TRHR: variants seen among roughly 807,000 people sequenced by gnomAD.
TRHR encodes the protein thyrotropin-releasing hormone receptor.
Under a neutral mutation model 28.0 loss-of-function variants are expected in TRHR, and 14 were observed. The ratio of observed to expected loss-of-function variants is 0.50; its 90% CI spans 0.33 to 0.78. The LOEUF (loss-of-function observed/expected upper bound fraction) is 0.78. TRHR is among the 30% of genes least tolerant of loss of function. TRHR has a pLI of 0.02. For synonymous variants in TRHR, 176 were observed against 171.9 expected, an observed-to-expected ratio of 1.02 and a Z score of -0.18; for missense variants, 438 against 469.5, an observed-to-expected ratio of 0.93 and a Z score of 0.62.
Position 109,119,666 on chromosome 8 carries a change from T to A in TRHR, c.*211T>A. 1 of 557,766 alleles carries A rather than the reference T, an allele frequency of 1.8e-6. No homozygotes were observed. Among genetic ancestry groups the A allele is most frequent in the Non-Finnish European group, 3.1e-6 (1 of 320,402 alleles). 34.6% of individuals were successfully genotyped at this position (557,766 alleles called of 1,614,324 possible). ...CTAATATCACTAAAAATGGAGCAGA[T>A]CTGTGAAATAGCTAAATGATGGAAA... On this transcript the variant is annotated 3_prime_UTR_variant, in exon 3 of 3. Coordinates refer to ENST00000518632, the MANE Select transcript of TRHR (RefSeq NM_003301.7).
At chr8:109,108,255 A>G (rs1223036134) in intron 2 of TRHR, among the ~76,000 whole-genome samples, 1 of 152,306 alleles carries the variant, frequency 6.6e-6, no homozygotes, top group Non-Finnish European at 1.5e-5. Context: ...AAGGATCACC[A>G]TCACCTCTCT....
chr8:109,087,756 A>C lies in TRHR; in HGVS notation c.244A>C (p.Asn82His). Reference protein sequence around the residue: ...LMVLVAAGLPNITDSIYGSWV... With the variant: ...LMVLVAAGLPHITDSIYGSWV... ...GGTCTTGGTGGCCGCAGGCCTCCCCAACATAACAGACAGTATCTACGGTTC... is the reference window on the plus strand; with the variant it reads ...GGTCTTGGTGGCCGCAGGCCTCCCCCACATAACAGACAGTATCTACGGTTC... Residue 82 changes from asparagine to histidine, a missense_variant, in exon 2 of 3, where the codon AAC becomes CAC. Asn to His is a moderately conservative substitution (Grantham distance 68). Coordinates refer to ENST00000518632, the MANE Select transcript of TRHR (RefSeq NM_003301.7). 3.1e-6 allele frequency: 5 copies of C among 1,614,168 alleles called. No homozygotes were observed. The highest frequency in any genetic ancestry group is 4.2e-6 in the Non-Finnish European group (5 of 1,180,028).
At chr8:109,111,131 G>A (rs746382995) in intron 2 of TRHR, among the ~76,000 whole-genome samples, 11 of 152,112 alleles carry the variant, frequency 7.2e-5, no homozygotes, top group East Asian at 1.9e-4. Flanking sequence ...CAGCCTGGGC[G>A]ACAGAGTAAA....
chr8:109,096,838 G>C (rs1811601456), intron 2 of TRHR, among the ~76,000 whole-genome samples: 1 of 151,988 alleles, frequency 6.6e-6, no homozygotes, highest in Admixed American at 6.6e-5. Flanking sequence ...GTAAATGAAA[G>C]TGTGAAAGAG....
chr8:109,092,286 C>G (rs1811527700), intron 2 of TRHR, among the ~76,000 whole-genome samples: 1 of 151,912 alleles, frequency 6.6e-6, no homozygotes, highest in South Asian at 2.1e-4. Context: ...AGAATTTTTA[C>G]TATGGAATTC....
At chr8:109,090,017 G>C (rs540488935) in intron 2 of TRHR, among the ~76,000 whole-genome samples, 1 of 152,110 alleles carries the variant, frequency 6.6e-6, no homozygotes, top group South Asian at 2.1e-4. Flanking sequence ...AGCTGTTACC[G>C]ATAAGCTGTC....
intron 2 of TRHR, among the ~76,000 whole-genome samples, chr8:109,092,179 A>G (rs1586184775): frequency 6.6e-6 from 1 of 152,106 alleles, no homozygotes. Flanking sequence ...TTTATTATCA[A>G]TGGAGTTGCT....
chr8:109,110,285 C>G (rs1461492924), intron 2 of TRHR, among the ~76,000 whole-genome samples: 2 of 152,074 alleles, frequency 1.3e-5, no homozygotes, highest in Non-Finnish European at 2.9e-5. Flanking sequence ...TTTGGAAGAC[C>G]AAAATGGGAA....
intron 2 of TRHR, among the ~76,000 whole-genome samples, chr8:109,100,794 T>C (rs1489905292): frequency 6.6e-6 from 1 of 152,118 alleles, no homozygotes; most frequent in African/African-American, 2.4e-5. Flanking sequence ...AAAGGCTTTC[T>C]GGAAAGGAGC....
intron 2 of TRHR, among the ~76,000 whole-genome samples, chr8:109,101,725 C>T (rs976357259): frequency 6.6e-6 from 1 of 151,948 alleles, no homozygotes; most frequent in African/African-American, 2.4e-5. Flanking sequence ...CTATAAAATA[C>T]CAGGATACAA....
chr8:109,093,995 T>C (rs2129878934), intron 2 of TRHR, among the ~76,000 whole-genome samples: 1 of 152,164 alleles, frequency 6.6e-6, no homozygotes, highest in African/African-American at 2.4e-5. Flanking sequence ...GGAGGCACAA[T>C]GTTGGAATGT....
Position 109,120,601 on chromosome 8 carries a change from C to T in TRHR, c.*1146C>T, listed in dbSNP as rs912454506. ...TCAAATGCTAGTGATATTTTGTTTACAGATTCTAAAAGCAATGCAAAATTC... is the reference window on the plus strand; with the variant it reads ...TCAAATGCTAGTGATATTTTGTTTATAGATTCTAAAAGCAATGCAAAATTC... On this transcript the variant is annotated 3_prime_UTR_variant, in exon 3 of 3. Coordinates refer to ENST00000518632, the MANE Select transcript of TRHR (RefSeq NM_003301.7). 6.6e-6 allele frequency among the ~76,000 whole-genome samples: 1 copy of T among 151,664 alleles called. No homozygotes were observed. Among genetic ancestry groups the T allele is most frequent in the Non-Finnish European group, 1.5e-5 (1 of 67,818 alleles).
chr8:109,092,056 G>A (rs1811525014), intron 2 of TRHR, among the ~76,000 whole-genome samples: 1 of 152,086 alleles, frequency 6.6e-6, no homozygotes, highest in South Asian at 2.1e-4. Context: ...AGAAACACCT[G>A]AACATCTTAG....
intron 2 of TRHR, among the ~76,000 whole-genome samples, chr8:109,092,379 G>T (rs1307830989): frequency 6.6e-6 from 1 of 151,096 alleles, no homozygotes; most frequent in Non-Finnish European, 1.5e-5. Context: ...GGTAGCCCAA[G>T]AAACAGAAAC....
chr8:109,093,295 T>A (rs1811541251), intron 2 of TRHR, among the ~76,000 whole-genome samples: 1 of 151,606 alleles, frequency 6.6e-6, no homozygotes, highest in South Asian at 2.1e-4. Flanking sequence ...TCCTCAGTCA[T>A]ACAATGCTCA....
intron 2 of TRHR, among the ~76,000 whole-genome samples, chr8:109,100,509 A>G (rs1017304626): frequency 1.3e-5 from 2 of 152,160 alleles, no homozygotes; most frequent in African/African-American, 4.8e-5. Context: ...TATATGGGAC[A>G]GGAAAATGGT....
chr8:109,120,754 C>T lies in TRHR; in HGVS notation c.*1299C>T, dbSNP rs1057152565. Among the ~76,000 whole-genome samples, 3 of 151,658 alleles carry T rather than the reference C, an allele frequency of 2.0e-5. No individual in the cohort carries two copies. The highest frequency in any genetic ancestry group is 4.4e-5 in the Non-Finnish European group (3 of 67,808). ...GACTTGTGAATGAATCTGTCCAGGA[C>T]ACTTGTCAGTTCCTACCTGAATCTC... On this transcript the variant is annotated 3_prime_UTR_variant, in exon 3 of 3. Transcript: ENST00000518632.
intron 2 of TRHR, among the ~76,000 whole-genome samples, chr8:109,099,322 C>T (rs936861925): frequency 6.6e-6 from 1 of 152,068 alleles, no homozygotes; most frequent in Non-Finnish European, 1.5e-5. Context: ...AGAATATTTA[C>T]AAATAGGAGG....
At chr8:109,112,240 G>A (rs1156920757) in intron 2 of TRHR, among the ~76,000 whole-genome samples, 1 of 152,126 alleles carries the variant, frequency 6.6e-6, no homozygotes, top group Non-Finnish European at 1.5e-5. Flanking sequence ...AGCATGCACA[G>A]AACCTTTTCT....
Sources: allele counts gnomAD v4.1 joint callset (sites outside exome capture counted in the v4.1 genomes callset), GRCh38; gene constraint gnomAD v4.1.1; transcripts MANE v1.5; gene names NCBI Gene and HGNC (gene_info 2026-07-23, HGNC 2026-07-21).